The following TXLNG variants were observed in gnomAD, a reference collection of about 807,000 sequenced individuals.
TXLNG encodes gamma-taxilin.
Under a neutral mutation model 38.8 loss-of-function variants are expected in TXLNG, and 5 were observed. That is an observed-to-expected ratio of 0.13 (90% confidence interval 0.07 to 0.27). TXLNG has a LOEUF of 0.27. Ranked by LOEUF, TXLNG falls within the 10% of genes least tolerant of loss-of-function variation. The pLI is 1.00. For missense variants in TXLNG, 393 were observed against 398.2 expected, an observed-to-expected ratio of 0.99 and a Z score of 0.11; for synonymous variants, 182 against 158.2, an observed-to-expected ratio of 1.15 and a Z score of -1.13.
intron 1 of TXLNG, among the ~76,000 whole-genome samples, chrX:16,811,730 G>A (rs933102697): frequency 1.9e-5 from 2 of 103,285 alleles, no homozygotes; most frequent in African/African-American, 7.2e-5. Flanking sequence ...TCTGCTTCCC[G>A]GGTTCAAGTG....
At chrX:16,815,940 C>T (rs73452435) in intron 1 of TXLNG, among the ~76,000 whole-genome samples, 3,601 of 110,996 alleles carry the variant, frequency 0.032, 168 homozygotes, top group African/African-American at 0.11. Context: ...TAGTACATGA[C>T]ATTTCAATAT....
At chrX:16,822,133 T>G (rs1457529819) in intron 3 of TXLNG, among the ~76,000 whole-genome samples, 2 of 109,415 alleles carry the variant, frequency 1.8e-5, no homozygotes, top group Non-Finnish European at 3.8e-5. Context: ...GGTCAGGAGA[T>G]CAAGACCATC....
In TXLNG at chrX:16,818,800, C is replaced by T. The variant is rs1167231082; in HGVS notation, c.329C>T (p.Pro110Leu). The change falls in exon 2 of 10, where the codon CCT becomes CTT. Residue 110 changes from proline (P) to leucine (L), a missense_variant. Transcript: ENST00000380122. Reference sequence around the variant, plus strand: ...ACGCAAGAATCAAGAGAGGAAATCCCTGGGGGAGAAGCTCGAACAGATCCC... The same window carrying T: ...ACGCAAGAATCAAGAGAGGAAATCCTTGGGGGAGAAGCTCGAACAGATCCC... ...YCTQESREEI[P>L]GGEARTDPPD... is the part of the protein sequence containing the mutation. 1 of 1,212,032 alleles carries T rather than the reference C, an allele frequency of 8.3e-7. No individual in the cohort carries two copies. Among genetic ancestry groups the T allele is most frequent in the Non-Finnish European group, 1.1e-6 (1 of 895,573 alleles).
chrX:16,830,885 G>GTGTGTA (rs1440990242), intron 5 of TXLNG, among the ~76,000 whole-genome samples: 1 of 88,788 alleles, frequency 1.1e-5, no homozygotes, highest in Non-Finnish European at 2.3e-5. Flanking sequence ...GTGTGTGTGT[G>GTGTGTA]TATAGAGACA....
At chrX:16,798,405 GCTTT>G (rs1336732197) in intron 1 of TXLNG, among the ~76,000 whole-genome samples, 2 of 111,339 alleles carry the variant, frequency 1.8e-5, no homozygotes, top group African/African-American at 6.5e-5. Context: ...GAAGTGGCAG[GCTTT>G]CTTCGTATAT....
intron 6 of TXLNG, 143 bp downstream of exon 6, chrX:16,832,885 G>A: frequency 1.3e-6 from 1 of 748,968 alleles, no homozygotes; most frequent in African/African-American, 2.1e-5. Flanking sequence ...GCCAGCTGGT[G>A]TTTTGCTGTA....
At chrX:16,796,109 C>T (rs1454989853) in intron 1 of TXLNG, among the ~76,000 whole-genome samples, 2 of 111,308 alleles carry the variant, frequency 1.8e-5, no homozygotes, top group Non-Finnish European at 3.8e-5. Flanking sequence ...CCACTGTGCC[C>T]GGCCTCACTT....
chrX:16,797,286 A>G (rs1446002999), intron 1 of TXLNG, among the ~76,000 whole-genome samples: 3 of 110,721 alleles, frequency 2.7e-5, no homozygotes, highest in South Asian at 7.6e-4. Flanking sequence ...TGTCTCAAAA[A>G]AAAAAAAAAA....
chrX:16,807,690 A>G lies in TXLNG; in HGVS notation c.103-10884A>G, dbSNP rs191872039. Among the ~76,000 whole-genome samples, 68 of 111,385 alleles carry G rather than the reference A, an allele frequency of 6.1e-4. 1 individual carries two copies. Among genetic ancestry groups the G allele is most frequent in the Admixed American group, 1.3e-3 (13 of 10,347 alleles). On this transcript the variant is annotated intron_variant, in intron 1 of 9. Coordinates refer to ENST00000380122, the MANE Select transcript of TXLNG (RefSeq NM_018360.3). ...TGAGGCAAGCTAAGGATGTCTGTCTAGGAAAATGCAGAAATACACACAACT... is the reference window on the plus strand; with the variant it reads ...TGAGGCAAGCTAAGGATGTCTGTCTGGGAAAATGCAGAAATACACACAACT...
intron 6 of TXLNG, among the ~76,000 whole-genome samples, chrX:16,833,900 C>T (rs1929502414): frequency 8.9e-6 from 1 of 112,370 alleles, no homozygotes; most frequent in Non-Finnish European, 1.9e-5. Context: ...CACTCTGCCT[C>T]GTCTTGCCTC....
At position 16,844,296 on chromosome X, in the gene TXLNG, G is replaced by A. The variant is rs1194550071; in HGVS notation, c.*2530G>A. On this transcript the variant is annotated 3_prime_UTR_variant, in exon 10 of 10. Coordinates refer to ENST00000380122, the MANE Select transcript of TXLNG (RefSeq NM_018360.3). The stretch of plus-strand genomic sequence containing the variant: ...CAGAAAAATCTACCTCTTTCAGACT[G>A]TAGATGGAAATAACTGTGAAAAAAA... 1 of 111,931 alleles carries A rather than the reference G, an allele frequency of 8.9e-6. No homozygotes were observed. The highest frequency in any genetic ancestry group is 1.9e-5 in the Non-Finnish European group (1 of 53,220). 9.2% of individuals were successfully genotyped at this position (111,931 alleles called of 1,213,427 possible). A position where few individuals can be genotyped will look rare whatever the true frequency, so the allele number is the denominator to read the frequency against.
At chrX:16,839,990 C>CG in intron 9 of TXLNG, 74 bp downstream of exon 9, 1 of 804,659 alleles carries the variant, frequency 1.2e-6, no homozygotes, top group Non-Finnish European at 1.8e-6. Flanking sequence ...CTATCGGGGC[C>CG]GGGGACGTGT....
chrX:16,823,444 G>A (rs1164419786), intron 3 of TXLNG, among the ~76,000 whole-genome samples: 1 of 69,155 alleles, frequency 1.4e-5, no homozygotes, highest in Non-Finnish European at 2.5e-5. Context: ...GGCAACAAGA[G>A]TGAAACTCTG....
intron 1 of TXLNG, among the ~76,000 whole-genome samples, chrX:16,787,305 C>G (rs1927528683): frequency 1.8e-5 from 2 of 112,049 alleles, no homozygotes. Flanking sequence ...TGGAGGACCT[C>G]GGTCCTGCAG....
At position 16,841,683 on chromosome X, in the gene TXLNG, G is replaced by C; in HGVS notation, c.1504G>C (p.Glu502Gln). 8.3e-7 allele frequency: 1 copy of C among 1,212,030 alleles called. No individual in the cohort carries two copies. The highest frequency in any genetic ancestry group is 1.8e-5 in the South Asian group (1 of 57,002). ...GAAAAGAGCCCTGGGAGCGCACCTGGAGGCTGAGCCCAAGAGTCAGAGAAG... is the reference window on the plus strand; with the variant it reads ...GAAAAGAGCCCTGGGAGCGCACCTGCAGGCTGAGCCCAAGAGTCAGAGAAG... Reference protein sequence around the residue: ...SSKRALGAHLEAEPKSQRSAV... With the variant: ...SSKRALGAHLQAEPKSQRSAV... The change falls in exon 10 of 10, where the codon GAG (glutamate) becomes CAG (glutamine). Residue 502 changes from glutamate (E) to glutamine (Q), a missense_variant. By Grantham distance (29) the Glu-to-Gln change is conservative. Transcript: ENST00000380122.
At chrX:16,834,210 ACT>A in intron 6 of TXLNG, 71 bp from the exon 7 acceptor site, 1 of 900,670 alleles carries the variant, frequency 1.1e-6, no homozygotes, top group Non-Finnish European at 1.6e-6. Context: ...ATGAAGCCTA[ACT>A]CTGATCATTT....
At chrX:16,786,970 G>C (rs1271504966) in intron 1 of TXLNG, among the ~76,000 whole-genome samples, 2 of 112,957 alleles carry the variant, frequency 1.8e-5, no homozygotes, top group Non-Finnish European at 3.8e-5. Context: ...CCGTGCTCCC[G>C]GCGCTGAGCG....
chrX:16,832,277 T>TC (rs781726049), intron 5 of TXLNG, among the ~76,000 whole-genome samples: 2 of 112,443 alleles, frequency 1.8e-5, no homozygotes, highest in East Asian at 5.6e-4. Flanking sequence ...ACTTTGCTCT[T>TC]CTTATCCTTC....
intron 1 of TXLNG, among the ~76,000 whole-genome samples, chrX:16,787,940 T>G (rs1927557921): frequency 8.9e-6 from 1 of 112,187 alleles, no homozygotes; most frequent in Non-Finnish European, 1.9e-5. Flanking sequence ...GTTTCTAAGG[T>G]CAGGTATTTT....
Sources: allele counts gnomAD v4.1 joint callset (sites outside exome capture counted in the v4.1 genomes callset), GRCh38; gene constraint gnomAD v4.1.1; transcripts MANE v1.5; gene names NCBI Gene and HGNC (gene_info 2026-07-23, HGNC 2026-07-21).